Variants in RNGTT observed in about 807,000 individuals in gnomAD.
The protein encoded by RNGTT is RNA guanylyltransferase and 5'-phosphatase.
Under a neutral mutation model 79.3 loss-of-function variants are expected in RNGTT, and 33 were observed. The observed-to-expected ratio is 0.42, with a 90% CI of 0.32 to 0.56. The LOEUF is 0.56. RNGTT is among the 20% of genes least tolerant of loss of function. The pLI, the probability that RNGTT is intolerant of heterozygous loss-of-function variation, is 0.17. For synonymous variants in RNGTT, 222 were observed against 235.9 expected (o/e 0.94, Z 0.54); for missense variants, 497 against 739.1 (o/e 0.67, Z 3.80).
intron 8 of RNGTT, among the ~76,000 whole-genome samples, chr6:88,881,667 G>C (rs1782697628): frequency 6.6e-6 from 1 of 152,136 alleles, no homozygotes; most frequent in Non-Finnish European, 1.5e-5. Flanking sequence ...TGCCATACCT[G>C]TCTCTTGGAT....
At chr6:88,802,933 G>C (rs1333572096) in intron 11 of RNGTT, among the ~76,000 whole-genome samples, 2 of 152,064 alleles carry the variant, frequency 1.3e-5, no homozygotes, top group East Asian at 3.9e-4. Flanking sequence ...TAAATTTTTG[G>C]ATATGCTGTG....
At chr6:88,831,449 A>G (rs1483911624) in intron 11 of RNGTT, among the ~76,000 whole-genome samples, 2 of 152,218 alleles carry the variant, frequency 1.3e-5, no homozygotes, top group Non-Finnish European at 2.9e-5. Flanking sequence ...TCAAAATAAT[A>G]AGAGCTATTT....
At chr6:88,754,344 C>T (rs2127832073) in intron 13 of RNGTT, among the ~76,000 whole-genome samples, 1 of 152,320 alleles carries the variant, frequency 6.6e-6, no homozygotes, top group East Asian at 1.9e-4. Flanking sequence ...ACATTGGCCC[C>T]AGGTCATGTG....
rs541789998 is a variant in RNGTT, at chr6:88,610,698, C to A, written c.*2021G>T. The A allele has an allele frequency of 4.6e-5, 7 of 152,156 alleles. No homozygotes were observed. The highest frequency in any genetic ancestry group is 1.0e-4 in the Non-Finnish European group (7 of 68,030). The allele number at this position is 152,156 out of a possible 1,614,324, so 9.4% of individuals were successfully genotyped here. Reference sequence around the variant, plus strand: ...AATAAATTAAGAAAATTAAGTCCTGCTAAAATGCACAAAGACTTGAAGAAA... The same window carrying A: ...AATAAATTAAGAAAATTAAGTCCTGATAAAATGCACAAAGACTTGAAGAAA... On this transcript the variant is annotated 3_prime_UTR_variant, in exon 16 of 16. Coordinates refer to ENST00000369485, the MANE Select transcript of RNGTT (RefSeq NM_003800.5).
rs758453189 is a variant in RNGTT at position 88,963,446 on chromosome 6, C to T, written c.-37G>A. The T allele has an allele frequency of 6.6e-7, 1 of 1,515,550 alleles. No individual in the cohort carries two copies. Among genetic ancestry groups the T allele is most frequent in the Non-Finnish European group, 8.9e-7 (1 of 1,127,904 alleles). The allele number at this position is 1,515,550 out of a possible 1,614,324, so 93.9% of individuals were successfully genotyped here. A position where few individuals can be genotyped will look rare whatever the true frequency, so the allele number is the denominator to read the frequency against. The stretch of plus-strand genomic sequence containing the variant: ...GCGCAGAGCTGCCCTCCCTCACCAA[C>T]GTTCACCGCGCCTTTGGAGCCGCCT... On this transcript the variant is annotated 5_prime_UTR_variant, in exon 1 of 16. Transcript: ENST00000369485.
At chr6:88,935,302 T>C (rs770083937) in intron 2 of RNGTT, among the ~76,000 whole-genome samples, 5 of 152,250 alleles carry the variant, frequency 3.3e-5, no homozygotes, top group Non-Finnish European at 7.3e-5. Flanking sequence ...ACCAATGCCA[T>C]GCTGTTTTGG....
At chr6:88,798,491 A>C (rs2127860732) in intron 12 of RNGTT, among the ~76,000 whole-genome samples, 1 of 152,080 alleles carries the variant, frequency 6.6e-6, no homozygotes, top group East Asian at 1.9e-4. Flanking sequence ...AGAAAAATGA[A>C]CTGTAAGAAA....
At chr6:88,669,146 TCAACC>T in intron 14 of RNGTT, among the ~76,000 whole-genome samples, 1 of 151,836 alleles carries the variant, frequency 6.6e-6, no homozygotes, top group South Asian at 2.1e-4. Context: ...GACCCCCGAG[TCAACC>T]TTTTAATCCA....
At chr6:88,958,565 T>C (rs977523601) in intron 1 of RNGTT, among the ~76,000 whole-genome samples, 1 of 151,966 alleles carries the variant, frequency 6.6e-6, no homozygotes, top group East Asian at 1.9e-4. Flanking sequence ...ACAAAGGACA[T>C]GAACAGACAA....
intron 14 of RNGTT, among the ~76,000 whole-genome samples, chr6:88,646,058 G>A (rs1005463463): frequency 2.6e-5 from 4 of 152,230 alleles, no homozygotes; most frequent in Non-Finnish European, 5.9e-5. Flanking sequence ...CCATCAGAGC[G>A]AACAGGCAAC....
chr6:88,647,699 GTTAAA>G (rs561373031), intron 14 of RNGTT, among the ~76,000 whole-genome samples: 5 of 66,890 alleles, frequency 7.5e-5, no homozygotes, highest in African/African-American at 4.5e-4. Context: ...CCGACACCCT[GTTAAA>G]AAAAAAAAAA....
intron 13 of RNGTT, among the ~76,000 whole-genome samples, chr6:88,763,004 G>A (rs1778321293): frequency 6.7e-6 from 1 of 150,260 alleles, no homozygotes; most frequent in African/African-American, 2.5e-5. Context: ...GCTCACTGTA[G>A]CCCCAACCTC....
At position 88,678,354 on chromosome 6, in the gene RNGTT, T is replaced by C. The variant is rs1282929712; in HGVS notation, c.1505A>G (p.Lys502Arg). The C allele has an allele frequency of 2.5e-6, 4 of 1,581,190 alleles. No individual in the cohort carries two copies. The highest frequency in any genetic ancestry group is 3.4e-6 in the Non-Finnish European group (4 of 1,160,958). Reference protein sequence around the residue: ...GGYERPFAQIKVTKELKQYDN... With the variant: ...GGYERPFAQIRVTKELKQYDN... ...TACACTGAAAATGAACAAACATACC[T>C]TGATTTGTGCAAAGGGTCTTTCATA... The change falls in exon 14 of 16, where the codon AAG becomes AGG. Residue 502 changes from lysine to arginine, a missense_variant and splice_region_variant. Coordinates refer to ENST00000369485, the MANE Select transcript of RNGTT (RefSeq NM_003800.5).
At chr6:88,842,417 T>G (rs1433419343) in intron 11 of RNGTT, among the ~76,000 whole-genome samples, 2 of 151,856 alleles carry the variant, frequency 1.3e-5, no homozygotes, top group Admixed American at 6.6e-5. Context: ...ATAACAGTAG[T>G]ACCAGTAATA....
chr6:88,737,566 G>A (rs1323667518), intron 13 of RNGTT, among the ~76,000 whole-genome samples: 2 of 152,116 alleles, frequency 1.3e-5, no homozygotes, highest in East Asian at 1.9e-4. Context: ...GGCCTCTTAC[G>A]AAGTAATTAA....
At chr6:88,697,705 C>CAA (rs747533245) in intron 13 of RNGTT, among the ~76,000 whole-genome samples, 1 of 150,456 alleles carries the variant, frequency 6.6e-6, no homozygotes, top group African/African-American at 2.4e-5. Flanking sequence ...ACTAAAAATA[C>CAA]AAAAAACAAA....
At chr6:88,958,620 C>T (rs1237301040) in intron 1 of RNGTT, among the ~76,000 whole-genome samples, 1 of 152,152 alleles carries the variant, frequency 6.6e-6, no homozygotes, top group Non-Finnish European at 1.5e-5. Context: ...AAATGTTCAA[C>T]ATCACTATCA....
intron 12 of RNGTT, among the ~76,000 whole-genome samples, chr6:88,789,841 T>G (rs1435811502): frequency 6.6e-6 from 1 of 152,250 alleles, no homozygotes; most frequent in East Asian, 1.9e-4. Flanking sequence ...TCATCAGGAC[T>G]TGTTCTCCAC....
rs148209611 is a variant in RNGTT at position 88,710,229 on chromosome 6, A to C, written c.1440-31810T>G. 6.8e-4 allele frequency among the ~76,000 whole-genome samples: 103 copies of C among 152,318 alleles called. No individual in the cohort carries two copies. The Middle Eastern group carries it at 0.01, about 15-fold the overall frequency. On this transcript the variant is annotated intron_variant, in intron 13 of 15. Coordinates refer to ENST00000369485, the MANE Select transcript of RNGTT (RefSeq NM_003800.5). The stretch of plus-strand genomic sequence containing the variant: ...CAAACAAACAAACAAAAAATAGTGA[A>C]TTTCTATTCAACCAGTGTGCACACC...
Sources: gnomAD v4.1 joint callset for allele counts (sites outside exome capture counted in the v4.1 genomes callset) on GRCh38, gnomAD v4.1.1 for gene constraint, MANE v1.5 for transcripts, NCBI Gene and HGNC (gene_info 2026-07-23, HGNC 2026-07-21) for gene names.